Variants in ARMC9 observed in about 807,000 individuals in gnomAD.
The protein encoded by ARMC9 is armadillo repeat containing 9, also known as lisH domain-containing protein ARMC9.
A neutral mutation model predicts 107.0 loss-of-function variants in ARMC9; 94 were observed. That is an observed-to-expected ratio of 0.88 (90% CI 0.74 to 1.04). The LOEUF is 1.04. Among genes scored for constraint, ARMC9 ranks in the 50% least tolerant of loss-of-function variants. The pLI, the probability that ARMC9 is intolerant of heterozygous loss-of-function variation, is 0.00. For synonymous variants in ARMC9, 380 were observed against 396.9 expected (o/e 0.96, Z 0.51); for missense variants, 942 against 1,030.1 (o/e 0.91, Z 1.17).
chr2:231,244,346 A>G (rs987600380), intron 9 of ARMC9, among the ~76,000 whole-genome samples: 1 of 150,670 alleles, frequency 6.6e-6, no homozygotes, highest in African/African-American at 2.4e-5. Flanking sequence ...GACAAAGCTT[A>G]TATTGGAGAA....
chr2:231,219,048 A>G (rs1559304064), intron 5 of ARMC9, among the ~76,000 whole-genome samples: 1 of 152,132 alleles, frequency 6.6e-6, no homozygotes, highest in Non-Finnish European at 1.5e-5. Context: ...CATCACGCCC[A>G]GCCATAAAGT....
chr2:231,346,008 G>A (rs2044797748), intron 21 of ARMC9, among the ~76,000 whole-genome samples: 1 of 152,230 alleles, frequency 6.6e-6, no homozygotes, highest in Non-Finnish European at 1.5e-5. Flanking sequence ...GCTCCTTGAT[G>A]AGTTCTGTTG....
chr2:231,266,261 T>G (rs2038853533), intron 12 of ARMC9, among the ~76,000 whole-genome samples: 3 of 152,234 alleles, frequency 2.0e-5, no homozygotes, highest in Admixed American at 2.0e-4. Flanking sequence ...AATAGGTCTA[T>G]GGTGGGGCCC....
chr2:231,235,144 G>T, intron 7 of ARMC9, 80 bp from the exon 8 acceptor site: 1 of 1,422,086 alleles, frequency 7.0e-7, no homozygotes, highest in Non-Finnish European at 9.5e-7. Flanking sequence ...CAATAAGTAT[G>T]GTAGTTCTTT....
At chr2:231,259,225 A>T (rs765641937) in intron 11 of ARMC9, 123 bp downstream of exon 11, 1 of 840,686 alleles carries the variant, frequency 1.2e-6, no homozygotes, top group South Asian at 1.8e-5. Flanking sequence ...CTGTCTGCTG[A>T]CACCAAGAAC....
intron 9 of ARMC9, among the ~76,000 whole-genome samples, chr2:231,251,993 G>A (rs1370963494): frequency 2.0e-5 from 3 of 152,090 alleles, no homozygotes; most frequent in African/African-American, 7.2e-5. Flanking sequence ...CTCCAGCTTT[G>A]TTTATTTTAT....
chr2:231,326,648 G>T (rs951855889), intron 19 of ARMC9, among the ~76,000 whole-genome samples: 2 of 152,088 alleles, frequency 1.3e-5, no homozygotes, highest in African/African-American at 4.8e-5. Flanking sequence ...TTCCCCCAGC[G>T]CAGCCCTAGG....
chr2:231,250,692 G>C (rs1343378983), intron 9 of ARMC9, among the ~76,000 whole-genome samples: 1 of 152,156 alleles, frequency 6.6e-6, no homozygotes, highest in Non-Finnish European at 1.5e-5. Flanking sequence ...AGGGAGAGGA[G>C]CTGGTGACTA....
intron 20 of ARMC9, among the ~76,000 whole-genome samples, chr2:231,340,887 A>AAAAC (rs567651846): frequency 5.9e-5 from 9 of 152,058 alleles, no homozygotes; most frequent in Non-Finnish European, 8.8e-5. Context: ...GCTCCGTCTC[A>AAAAC]AAACAAACAA....
intron 2 of ARMC9, among the ~76,000 whole-genome samples, chr2:231,207,849 C>G (rs1277783501): frequency 6.6e-6 from 1 of 152,182 alleles, no homozygotes; most frequent in Non-Finnish European, 1.5e-5. Context: ...ACAGTCTCAC[C>G]AAGAGTGCAC....
At chr2:231,300,744 A>G (rs998934803) in intron 19 of ARMC9, among the ~76,000 whole-genome samples, 1 of 152,218 alleles carries the variant, frequency 6.6e-6, no homozygotes, top group African/African-American at 2.4e-5. Flanking sequence ...CTTGTGAGAC[A>G]TACATGAATG....
intron 9 of ARMC9, among the ~76,000 whole-genome samples, chr2:231,249,765 G>A (rs1040529203): frequency 6.6e-6 from 1 of 152,056 alleles, no homozygotes; most frequent in East Asian, 1.9e-4. Flanking sequence ...GGTTGCGCCT[G>A]CATTTGACCC....
intron 15 of ARMC9, among the ~76,000 whole-genome samples, chr2:231,277,966 A>C (rs2039904241): frequency 6.6e-6 from 1 of 152,102 alleles, no homozygotes; most frequent in Admixed American, 6.5e-5. Context: ...TAACTACTAA[A>C]ATGCCTATAT....
At chr2:231,266,799 A>C (rs778165368) in intron 12 of ARMC9, among the ~76,000 whole-genome samples, 8 of 152,214 alleles carry the variant, frequency 5.3e-5, no homozygotes, top group Non-Finnish European at 8.8e-5. Context: ...TTTAAGGCTA[A>C]CATTTCATCA....
At chr2:231,359,088 T>TTTTTTTTC (rs2045462874) in intron 22 of ARMC9, among the ~76,000 whole-genome samples, 1 of 146,232 alleles carries the variant, frequency 6.8e-6, no homozygotes, top group African/African-American at 2.6e-5. Flanking sequence ...TCCTGTTTTT[T>TTTTTTTTC]TTTTTTTTTT....
intron 12 of ARMC9, among the ~76,000 whole-genome samples, chr2:231,269,319 C>T (rs2039106852): frequency 6.6e-6 from 1 of 151,778 alleles, no homozygotes; most frequent in South Asian, 2.1e-4. Flanking sequence ...GTTGAACCTC[C>T]TGAACTGGTT....
chr2:231,316,422 A>C (rs1024588446), intron 19 of ARMC9, among the ~76,000 whole-genome samples: 3 of 152,048 alleles, frequency 2.0e-5, no homozygotes, highest in Admixed American at 2.0e-4. Flanking sequence ...GCACCTTGAG[A>C]GGCCGAGGCA....
chr2:231,259,878 C>A (rs2125409441), intron 11 of ARMC9, among the ~76,000 whole-genome samples: 1 of 152,250 alleles, frequency 6.6e-6, no homozygotes, highest in South Asian at 2.1e-4. Context: ...CGCCTGTAGT[C>A]CCAGCTACTC....
At chr2:231,370,641 A>T (rs1293443606) in intron 24 of ARMC9, 2 of 159,308 alleles carry the variant, frequency 1.3e-5, no homozygotes, top group Admixed American at 6.3e-5. Context: ...GGGCCTGAAG[A>T]TGGGATGGGC....
Sources: allele counts gnomAD v4.1 joint callset (sites outside exome capture counted in the v4.1 genomes callset), GRCh38; gene constraint gnomAD v4.1.1; transcripts MANE v1.5; gene names NCBI Gene and HGNC (gene_info 2026-07-23, HGNC 2026-07-21).